Variants in HCRTR2 observed in about 807,000 individuals in gnomAD.
HCRTR2 encodes the protein orexin receptor type 2.
In HCRTR2, 22 loss-of-function variants were observed where a neutral mutation model predicts 49.0. That is an observed-to-expected ratio of 0.45 (90% confidence interval 0.32 to 0.64). HCRTR2 has a LOEUF of 0.64. Ranked by LOEUF, HCRTR2 falls within the 30% of genes least tolerant of loss-of-function variation. The pLI, the probability that HCRTR2 is intolerant of heterozygous loss-of-function variation, is 0.04. For missense variants in HCRTR2, 491 were observed against 559.4 expected (o/e 0.88, Z 1.23); for synonymous variants, 236 against 205.3 (o/e 1.15, Z -1.28).
intron 1 of HCRTR2, among the ~76,000 whole-genome samples, chr6:55,142,141 G>T (rs1442623089): frequency 2.6e-5 from 4 of 152,002 alleles, no homozygotes; most frequent in Non-Finnish European, 5.9e-5. Context: ...TAGTTAAATA[G>T]TCCTTAAGAG....
At chr6:55,279,123 C>G (rs1434178298) in intron 5 of HCRTR2, among the ~76,000 whole-genome samples, 1 of 151,870 alleles carries the variant, frequency 6.6e-6, no homozygotes, top group Admixed American at 6.6e-5. Flanking sequence ...TTGGGGCATT[C>G]TACTCTTTTC....
intron 1 of HCRTR2, among the ~76,000 whole-genome samples, chr6:55,247,397 A>AG (rs1766465961): frequency 6.6e-6 from 1 of 152,186 alleles, no homozygotes; most frequent in South Asian, 2.1e-4. Context: ...AACATTTTCC[A>AG]GCTTATGAAA....
chr6:55,124,588 T>A (rs1024204633), intron 1 of HCRTR2, among the ~76,000 whole-genome samples: 3 of 152,214 alleles, frequency 2.0e-5, no homozygotes, highest in African/African-American at 7.2e-5. Flanking sequence ...GTATATTCTG[T>A]TGATTTGGGG....
intron 5 of HCRTR2, among the ~76,000 whole-genome samples, chr6:55,279,297 T>C (rs1255071003): frequency 1.3e-5 from 2 of 152,014 alleles, no homozygotes; most frequent in Non-Finnish European, 2.9e-5. Flanking sequence ...AAACTTAACT[T>C]TTTGCCGAAT....
At chr6:55,248,854 AG>A (rs780366091) in intron 2 of HCRTR2, 37 bp downstream of exon 2, 3 of 1,570,158 alleles carry the variant, frequency 1.9e-6, no homozygotes, top group Admixed American at 3.3e-5. Context: ...GCTACTAAAA[AG>A]AATGTTCAGC....
At chr6:55,137,996 ATGCAAGACT>A (rs1221437403) in intron 1 of HCRTR2, among the ~76,000 whole-genome samples, 8 of 152,338 alleles carry the variant, frequency 5.3e-5, no homozygotes, top group African/African-American at 1.9e-4. Context: ...GGCACATTAA[ATGCAAGACT>A]TGCATACAGG....
At chr6:55,205,998 T>C (rs1194158062) in intron 1 of HCRTR2, among the ~76,000 whole-genome samples, 2 of 152,078 alleles carry the variant, frequency 1.3e-5, no homozygotes, top group Non-Finnish European at 2.9e-5. Context: ...AATAAAAAAA[T>C]TTAAAAATTA....
At chr6:55,208,319 T>TAAAAAAAAAAAAAAA (rs561714147) in intron 1 of HCRTR2, among the ~76,000 whole-genome samples, 1 of 126,736 alleles carries the variant, frequency 7.9e-6, no homozygotes. Flanking sequence ...CTACGAAAAA[T>TAAAAAAAAAAAAAAA]AAAAAAATAA....
intron 1 of HCRTR2, among the ~76,000 whole-genome samples, chr6:55,152,827 T>A (rs1177533123): frequency 6.6e-6 from 1 of 152,050 alleles, no homozygotes; most frequent in Non-Finnish European, 1.5e-5. Context: ...TATTTGCATA[T>A]GGTTACCAAG....
intron 1 of HCRTR2, among the ~76,000 whole-genome samples, chr6:55,161,502 G>A (rs530795638): frequency 6.6e-6 from 1 of 151,856 alleles, no homozygotes; most frequent in Non-Finnish European, 1.5e-5. Context: ...ACTAAGGAGA[G>A]AGAGACACGA....
intron 1 of HCRTR2, among the ~76,000 whole-genome samples, chr6:55,238,580 A>C (rs975089020): frequency 2.6e-5 from 4 of 152,168 alleles, no homozygotes; most frequent in African/African-American, 4.8e-5. Context: ...ACACACGCTC[A>C]CACACATTTT....
chr6:55,265,928 T>C (rs535760076), intron 4 of HCRTR2, among the ~76,000 whole-genome samples: 1 of 152,202 alleles, frequency 6.6e-6, no homozygotes, highest in East Asian at 1.9e-4. Flanking sequence ...CAGTTTCTAT[T>C]TCTATTTGGG....
At chr6:55,224,452 C>T (rs1195339148) in intron 1 of HCRTR2, among the ~76,000 whole-genome samples, 1 of 126,798 alleles carries the variant, frequency 7.9e-6, no homozygotes. Flanking sequence ...CCCATCTCCA[C>T]TAAAAAAAAA....
At chr6:55,152,538 A>G (rs939582441) in intron 1 of HCRTR2, among the ~76,000 whole-genome samples, 2 of 152,012 alleles carry the variant, frequency 1.3e-5, no homozygotes, top group African/African-American at 2.4e-5. Flanking sequence ...TTAACAAAAT[A>G]CTATAGCCTA....
At chr6:55,221,375 C>A (rs932282440) in intron 1 of HCRTR2, among the ~76,000 whole-genome samples, 1 of 152,120 alleles carries the variant, frequency 6.6e-6, no homozygotes, top group African/African-American at 2.4e-5. Context: ...AATAAGCCCA[C>A]ACATACATTG....
intron 1 of HCRTR2, among the ~76,000 whole-genome samples, chr6:55,225,197 A>G (rs961383415): frequency 2.0e-5 from 3 of 152,218 alleles, no homozygotes; most frequent in African/African-American, 7.2e-5. Context: ...GAATTAAGGT[A>G]CAAAAATTAT....
Position 55,174,674 on chromosome 6 carries a change from A to G in HCRTR2, c.87A>G (p.Leu29=), listed in dbSNP as rs1461993777. 6.2e-7 allele frequency: 1 copy of G among 1,613,950 alleles called. No homozygotes were observed. The highest frequency in any genetic ancestry group is 8.5e-7 in the Non-Finnish European group (1 of 1,180,004). The change falls in exon 1 of 7, where the codon TTA becomes TTG. Residue 29 remains leucine, a synonymous_variant. Transcript: ENST00000370862. ...SELNETQEPF[L]NPTDYDDEEF... The stretch of plus-strand genomic sequence containing the variant: ...TGAATGAAACTCAAGAGCCCTTTTT[A>G]AACCCCACCGACTATGACGACGAGG...
chr6:55,218,969 A>G (rs1246451518), intron 1 of HCRTR2, among the ~76,000 whole-genome samples: 1 of 152,126 alleles, frequency 6.6e-6, no homozygotes, highest in African/African-American at 2.4e-5. Flanking sequence ...GACTGCAGAC[A>G]TGCAACACCA....
intron 1 of HCRTR2, among the ~76,000 whole-genome samples, chr6:55,134,386 C>A (rs9349758): frequency 0.025 from 3,738 of 151,668 alleles, 63 homozygotes; most frequent in East Asian, 0.057. Context: ...TAACTGGATG[C>A]CCATATATAT....
Sources: gnomAD v4.1 joint callset for allele counts (sites outside exome capture counted in the v4.1 genomes callset) on GRCh38, gnomAD v4.1.1 for gene constraint, MANE v1.5 for transcripts, NCBI Gene and HGNC (gene_info 2026-07-23, HGNC 2026-07-21) for gene names.